The following SBF2 variants were observed in gnomAD, a reference collection of about 807,000 sequenced individuals.
SBF2 encodes SET binding factor 2.
Under a neutral mutation model 225.2 loss-of-function variants are expected in SBF2, and 112 were observed. The observed-to-expected ratio is 0.50, with a 90% CI of 0.43 to 0.58. The LOEUF is 0.58. SBF2 is among the 20% of genes least tolerant of loss of function. SBF2 has a pLI of 0.00. For synonymous variants in SBF2, 763 were observed against 773.3 expected, an observed-to-expected ratio of 0.99 and a Z score of 0.22; for missense variants, 1,996 against 2,206.2, an observed-to-expected ratio of 0.90 and a Z score of 1.91.
At chr11:9,879,031 C>G (rs1859522764) in intron 17 of SBF2, among the ~76,000 whole-genome samples, 1 of 152,184 alleles carries the variant, frequency 6.6e-6, no homozygotes, top group African/African-American at 2.4e-5. Context: ...GACTTAGGTA[C>G]AAAATGTTTG....
chr11:10,011,419 G>C (rs1186443707), intron 6 of SBF2, among the ~76,000 whole-genome samples: 1 of 152,044 alleles, frequency 6.6e-6, no homozygotes, highest in East Asian at 1.9e-4. Flanking sequence ...GTAAACATGG[G>C]GTTTCGCCAT....
chr11:9,873,584 T>C (rs1440885604), intron 17 of SBF2, among the ~76,000 whole-genome samples: 2 of 152,082 alleles, frequency 1.3e-5, no homozygotes, highest in Non-Finnish European at 2.9e-5. Context: ...AACTGGGAAA[T>C]AGAAGTATCT....
chr11:10,177,641 T>A (rs894652802), intron 2 of SBF2, among the ~76,000 whole-genome samples: 7 of 151,600 alleles, frequency 4.6e-5, no homozygotes, highest in Non-Finnish European at 1.0e-4. Flanking sequence ...ACAAGGGATG[T>A]GAAGGACCTC....
intron 2 of SBF2, among the ~76,000 whole-genome samples, chr11:10,174,173 C>A (rs1365379203): frequency 6.6e-6 from 1 of 152,106 alleles, no homozygotes; most frequent in Non-Finnish European, 1.5e-5. Flanking sequence ...ATGACTTTGA[C>A]GAGCTGAGAC....
intron 13 of SBF2, among the ~76,000 whole-genome samples, chr11:9,970,463 C>G (rs1867259847): frequency 6.6e-6 from 1 of 152,118 alleles, no homozygotes; most frequent in African/African-American, 2.4e-5. Flanking sequence ...CCTCAGCCTC[C>G]CATACATCCT....
At chr11:10,014,039 A>G (rs1948553330) in intron 6 of SBF2, among the ~76,000 whole-genome samples, 1 of 152,148 alleles carries the variant, frequency 6.6e-6, no homozygotes, top group Non-Finnish European at 1.5e-5. Context: ...TGTGTCCTTG[A>G]GACAGAGCTC....
intron 2 of SBF2, among the ~76,000 whole-genome samples, chr11:10,187,407 A>G (rs1290316519): frequency 6.6e-6 from 1 of 151,900 alleles, no homozygotes; most frequent in Admixed American, 6.6e-5. Flanking sequence ...CACCTTTTAC[A>G]ACTTTTCCCA....
intron 16 of SBF2, among the ~76,000 whole-genome samples, chr11:9,919,550 G>T (rs952013379): frequency 6.6e-6 from 1 of 151,920 alleles, no homozygotes; most frequent in African/African-American, 2.4e-5. Flanking sequence ...GTGACTGGGG[G>T]CTGCATGCAC....
intron 30 of SBF2, among the ~76,000 whole-genome samples, chr11:9,809,543 CA>C (rs1407148145): frequency 1.3e-4 from 16 of 127,806 alleles, no homozygotes; most frequent in East Asian, 6.1e-4. Context: ...TTGTTTCAGA[CA>C]TTTTTTTTTT....
intron 3 of SBF2, among the ~76,000 whole-genome samples, chr11:10,040,096 T>C (rs1949596202): frequency 6.6e-6 from 1 of 152,004 alleles, no homozygotes; most frequent in Non-Finnish European, 1.5e-5. Flanking sequence ...TAGGCAAGAA[T>C]CATTAGTAAA....
intron 1 of SBF2, among the ~76,000 whole-genome samples, chr11:10,286,565 G>A (rs1963808010): frequency 6.6e-6 from 1 of 151,942 alleles, no homozygotes; most frequent in Non-Finnish European, 1.5e-5. Context: ...TCACCATGTT[G>A]GCCAGGATGG....
intron 6 of SBF2, among the ~76,000 whole-genome samples, chr11:10,018,071 G>T (rs1440610165): frequency 1.3e-5 from 2 of 152,066 alleles, no homozygotes; most frequent in African/African-American, 4.8e-5. Context: ...AAGCAGTGGG[G>T]AAGAAGAACA....
In SBF2 at chr11:9,873,335, C is replaced by T. The variant is rs1466265106; in HGVS notation, c.1930-14939G>A. 2.6e-5 allele frequency among the ~76,000 whole-genome samples: 4 copies of T among 151,562 alleles called. No individual in the cohort carries two copies. The East Asian group carries it at 7.8e-4, about 29-fold the overall frequency. On this transcript the variant is annotated intron_variant, in intron 17 of 39. Coordinates refer to ENST00000256190, the MANE Select transcript of SBF2 (RefSeq NM_030962.4). ...CACAACCACAAATGGTGGTTATAGTCATTCACCACAGTCTGAGAATTCAAA... is the reference window on the plus strand; with the variant it reads ...CACAACCACAAATGGTGGTTATAGTTATTCACCACAGTCTGAGAATTCAAA...
chr11:10,262,449 C>T (rs938286350), intron 1 of SBF2, among the ~76,000 whole-genome samples: 10 of 152,160 alleles, frequency 6.6e-5, no homozygotes, highest in African/African-American at 2.2e-4. Flanking sequence ...TCCTGTCACC[C>T]TCAGCCTTCT....
chr11:10,210,262 T>C (rs1957888971), intron 1 of SBF2, among the ~76,000 whole-genome samples: 3 of 151,796 alleles, frequency 2.0e-5, no homozygotes, highest in Non-Finnish European at 2.9e-5. Flanking sequence ...GAGCCAAGAT[T>C]GCTCCACTGC....
At chr11:10,075,020 T>C (rs1035962218) in intron 2 of SBF2, among the ~76,000 whole-genome samples, 3 of 152,212 alleles carry the variant, frequency 2.0e-5, no homozygotes, top group Admixed American at 6.5e-5. Context: ...GAATAAACTA[T>C]GTCCTAGAGA....
At chr11:10,059,709 A>C (rs1950363646) in intron 2 of SBF2, among the ~76,000 whole-genome samples, 1 of 152,230 alleles carries the variant, frequency 6.6e-6, no homozygotes. Flanking sequence ...TAAAAATAGA[A>C]GTCAACACAA....
At chr11:10,079,995 C>A (rs981524575) in intron 2 of SBF2, among the ~76,000 whole-genome samples, 1 of 144,498 alleles carries the variant, frequency 6.9e-6, no homozygotes, top group Non-Finnish European at 1.5e-5. Context: ...TGCCTGTAAT[C>A]CCTGCACTTT....
chr11:9,862,700 A>G (rs1020403828), intron 17 of SBF2, among the ~76,000 whole-genome samples: 7 of 152,212 alleles, frequency 4.6e-5, no homozygotes, highest in Admixed American at 4.6e-4. Flanking sequence ...GCATCTATGG[A>G]TAAAACTATC....
Sources: allele counts gnomAD v4.1 joint callset (sites outside exome capture counted in the v4.1 genomes callset), GRCh38; gene constraint gnomAD v4.1.1; transcripts MANE v1.5; gene names NCBI Gene and HGNC (gene_info 2026-07-23, HGNC 2026-07-21).